GALNT13: variants seen among roughly 807,000 people sequenced by gnomAD.
The protein encoded by GALNT13 is UDP-GalNAc:polypeptide N-acetylgalactosaminyltransferase 13.
In GALNT13, 28 loss-of-function variants were observed where a neutral mutation model predicts 64.2. The observed-to-expected ratio is 0.44, with a 90% CI of 0.32 to 0.60. The LOEUF is 0.60. Ranked by LOEUF, GALNT13 falls within the 20% of genes least tolerant of loss-of-function variation. The pLI, the probability that GALNT13 is intolerant of heterozygous loss-of-function variation, is 0.05. For synonymous variants in GALNT13, 214 were observed against 224.6 expected (o/e 0.95, Z 0.42); for missense variants, 577 against 669.8 (o/e 0.86, Z 1.53).
Position 154,427,227 on chromosome 2 carries a change from A to G in GALNT13, c.1396-11365A>G, listed in dbSNP as rs369792834. Reference sequence around the variant, plus strand: ...ATCCAACATTTTGACAAAGACTCCCAGTAACCCTGGTCCTGAGTGATACCT... The same window carrying G: ...ATCCAACATTTTGACAAAGACTCCCGGTAACCCTGGTCCTGAGTGATACCT... On this transcript the variant is annotated intron_variant, in intron 11 of 12. Coordinates refer to ENST00000392825, the MANE Select transcript of GALNT13 (RefSeq NM_052917.4). Among the ~76,000 whole-genome samples, 6 of 152,336 alleles carry G rather than the reference A, an allele frequency of 3.9e-5. No homozygotes were observed. In the South Asian group the frequency reaches 1.0e-3, roughly 26 times the overall value.
At chr2:154,310,981 G>T (rs1041459395) in intron 9 of GALNT13, among the ~76,000 whole-genome samples, 4 of 151,440 alleles carry the variant, frequency 2.6e-5, no homozygotes, top group African/African-American at 4.9e-5. Flanking sequence ...TATATTCATA[G>T]AATATTCTAT....
At chr2:154,281,306 A>G (rs972502272) in intron 8 of GALNT13, among the ~76,000 whole-genome samples, 4 of 152,186 alleles carry the variant, frequency 2.6e-5, no homozygotes, top group African/African-American at 9.7e-5. Flanking sequence ...ATATTCATAC[A>G]TTTTATTTAC....
At chr2:153,774,851 A>C in the GALNT13 span, among the ~76,000 whole-genome samples, 1 of 152,196 alleles carries the variant, frequency 6.6e-6, no homozygotes, top group Non-Finnish European at 1.5e-5. Context: ...TCAAGGCTGC[A>C]GTGAGCTATC....
At chr2:153,922,474 C>T (rs901017729) in intron 2 of GALNT13, among the ~76,000 whole-genome samples, 1 of 152,132 alleles carries the variant, frequency 6.6e-6, no homozygotes, top group Non-Finnish European at 1.5e-5. Flanking sequence ...AATATATAAT[C>T]TTTACAGAAA....
chr2:153,388,864 C>G, the GALNT13 span, among the ~76,000 whole-genome samples: 1 of 152,008 alleles, frequency 6.6e-6, no homozygotes, highest in African/African-American at 2.4e-5. Flanking sequence ...TGCCACTTTT[C>G]TCTACCACTG....
chr2:153,792,737 T>C, the GALNT13 span, among the ~76,000 whole-genome samples: 1 of 152,130 alleles, frequency 6.6e-6, no homozygotes, highest in Non-Finnish European at 1.5e-5. Context: ...ATCATAGAAA[T>C]CCTCATTTGT....
intron 8 of GALNT13, among the ~76,000 whole-genome samples, chr2:154,269,925 T>TATTTATATATATGTGTATA (rs1421612508): frequency 2.2e-5 from 3 of 139,232 alleles, no homozygotes; most frequent in Non-Finnish European, 3.1e-5. Context: ...TATATATATA[T>TATTTATATATATGTGTATA]TTCTAAAGCA....
At chr2:153,815,126 C>T in the GALNT13 span, among the ~76,000 whole-genome samples, 3 of 152,152 alleles carry the variant, frequency 2.0e-5, no homozygotes, top group Non-Finnish European at 4.4e-5. Flanking sequence ...TTTCCAAACC[C>T]TCTGCTAGCA....
At chr2:154,395,812 T>G (rs1699027711) in intron 9 of GALNT13, among the ~76,000 whole-genome samples, 179 bp from the exon 10 acceptor site, 1 of 152,170 alleles carries the variant, frequency 6.6e-6, no homozygotes, top group Admixed American at 6.5e-5. Flanking sequence ...AGAAGTGTTA[T>G]TTATATCTAT....
chr2:153,744,623 A>T, the GALNT13 span, among the ~76,000 whole-genome samples: 4 of 152,154 alleles, frequency 2.6e-5, no homozygotes, highest in African/African-American at 4.8e-5. Context: ...AACATTGTCA[A>T]GGATGGGAAA....
chr2:153,651,530 C>T, the GALNT13 span, among the ~76,000 whole-genome samples: 1 of 152,136 alleles, frequency 6.6e-6, no homozygotes, highest in South Asian at 2.1e-4. Context: ...CCCACCTGCA[C>T]ACAGCAATTA....
chr2:154,120,011 C>A (rs925477496), intron 3 of GALNT13, among the ~76,000 whole-genome samples: 1 of 151,982 alleles, frequency 6.6e-6, no homozygotes, highest in African/African-American at 2.4e-5. Flanking sequence ...TTCTTGTTTC[C>A]TTGCATTGTT....
chr2:154,312,916 T>C lies in GALNT13; in HGVS notation c.1156+11327T>C, dbSNP rs1694125758. ...TGACAGTTAAAATTAAAGTTTTAAG[T>C]AAATCTATTAATGTGATTATATTAC... is the stretch of plus-strand genomic sequence containing the variant. On this transcript the variant is annotated intron_variant, in intron 9 of 12. Coordinates refer to ENST00000392825, the MANE Select transcript of GALNT13 (RefSeq NM_052917.4). Among the ~76,000 whole-genome samples, 4 of 152,228 alleles carry C rather than the reference T, an allele frequency of 2.6e-5. No homozygotes were observed. In the South Asian group the frequency reaches 8.3e-4, roughly 32 times the overall value.
chr2:153,434,782 C>G, the GALNT13 span, among the ~76,000 whole-genome samples: 1 of 152,058 alleles, frequency 6.6e-6, no homozygotes, highest in Admixed American at 6.6e-5. Flanking sequence ...TGTAGGTTGC[C>G]TGTTCACTCT....
At chr2:153,623,561 G>A in the GALNT13 span, among the ~76,000 whole-genome samples, 1 of 151,954 alleles carries the variant, frequency 6.6e-6, no homozygotes, top group Admixed American at 6.6e-5. Context: ...CCCTCCAAAT[G>A]ATGGCAAATA....
chr2:154,293,987 A>G (rs1692782350), intron 8 of GALNT13, among the ~76,000 whole-genome samples: 1 of 152,214 alleles, frequency 6.6e-6, no homozygotes, highest in Non-Finnish European at 1.5e-5. Flanking sequence ...TAATTAATGC[A>G]TAGTGTTATG....
rs574543698 is a variant in GALNT13 at position 153,977,875 on chromosome 2, C to G, written c.142+33236C>G. ...CTTCTTCTCAAGACTATACTCATATCCACTACCTATTGAAGTCTTCCTTGA... is the reference window on the plus strand; with the variant it reads ...CTTCTTCTCAAGACTATACTCATATGCACTACCTATTGAAGTCTTCCTTGA... On this transcript the variant is annotated intron_variant, in intron 3 of 12. Coordinates refer to ENST00000392825, the MANE Select transcript of GALNT13 (RefSeq NM_052917.4). Among the ~76,000 whole-genome samples, 9 of 152,090 alleles carry G rather than the reference C, an allele frequency of 5.9e-5. No homozygotes were observed. The South Asian group carries it at 1.0e-3, about 18-fold the overall frequency.
chr2:153,414,385 AT>A, the GALNT13 span, among the ~76,000 whole-genome samples: 1 of 151,032 alleles, frequency 6.6e-6, no homozygotes, highest in Non-Finnish European at 1.5e-5. Context: ...AAAAATAAAA[AT>A]AAAAAAAAAA....
chr2:153,489,834 T>G, the GALNT13 span, among the ~76,000 whole-genome samples: 1 of 152,126 alleles, frequency 6.6e-6, no homozygotes, highest in Non-Finnish European at 1.5e-5. Flanking sequence ...AAAGTAAAAT[T>G]TCTTAGCATG....
Sources: allele counts gnomAD v4.1 joint callset (sites outside exome capture counted in the v4.1 genomes callset), GRCh38; gene constraint gnomAD v4.1.1; transcripts MANE v1.5; gene names NCBI Gene and HGNC (gene_info 2026-07-23, HGNC 2026-07-21).